OR2Z1: variants seen among roughly 807,000 people sequenced by gnomAD.
OR2Z1 encodes olfactory receptor family 2 subfamily Z member 1, also known as olfactory receptor 2Z1.
For synonymous variants in OR2Z1, 188 were observed against 160.6 expected (o/e 1.17, Z -1.29); for missense variants, 449 against 401.8 (o/e 1.12, Z -1.00).
At position 8,730,907 on chromosome 19, in the gene OR2Z1, C is replaced by T; in HGVS notation, c.-122C>T. 1.4e-6 allele frequency: 1 copy of T among 717,174 alleles called. No individual in the cohort carries two copies. Among genetic ancestry groups the T allele is most frequent in the South Asian group, 1.8e-5 (1 of 54,658 alleles). 44.4% of individuals were successfully genotyped at this position (717,174 alleles called of 1,614,324 possible). A position where few individuals can be genotyped will look rare whatever the true frequency, so the allele number is the denominator to read the frequency against. ...TCATTACTCTTCTCAAGACACCATC[C>T]CAGGAAGCCACTACCAATCAATGAT... On this transcript the variant is annotated 5_prime_UTR_variant, in exon 3 of 3. Transcript: ENST00000641125.
intron 2 of OR2Z1, among the ~76,000 whole-genome samples, chr19:8,728,239 G>A (rs2043335837): frequency 6.6e-6 from 1 of 152,236 alleles, no homozygotes; most frequent in Admixed American, 6.5e-5. Flanking sequence ...CTGGGAGCTT[G>A]GAGGTTGCCG....
intron 2 of OR2Z1, among the ~76,000 whole-genome samples, chr19:8,728,005 G>A (rs547541112): frequency 1.3e-5 from 2 of 152,330 alleles, no homozygotes; most frequent in South Asian, 4.1e-4. Flanking sequence ...TAATAAAACA[G>A]CCCTGGTCAT....
chr19:8,728,542 C>A (rs1032268325), intron 2 of OR2Z1, among the ~76,000 whole-genome samples: 1 of 152,094 alleles, frequency 6.6e-6, no homozygotes, highest in African/African-American at 2.4e-5. Flanking sequence ...GATTTATACC[C>A]TAAATGTTTT....
Position 8,731,610 on chromosome 19 carries a change from C to G in OR2Z1, c.582C>G (p.Ala194=). ...LLKLSCADTC[A]YEMALSTSGV... is the part of the protein sequence containing the mutation. Reference sequence around the variant, plus strand: ...AGCTCTCCTGTGCAGATACCTGTGCCTACGAGATGGCGCTGTCCACCTCAG... The same window carrying G: ...AGCTCTCCTGTGCAGATACCTGTGCGTACGAGATGGCGCTGTCCACCTCAG... Residue 194 remains alanine (A), a synonymous_variant, in exon 3 of 3, where the codon GCC becomes GCG. Coordinates refer to ENST00000641125, the MANE Select transcript of OR2Z1 (RefSeq NM_001004699.3). The G allele has an allele frequency of 6.2e-7, 1 of 1,613,984 alleles. No individual in the cohort carries two copies. The highest frequency in any genetic ancestry group is 8.5e-7 in the Non-Finnish European group (1 of 1,180,018).
At chr19:8,726,862 C>G (rs1221494794) in intron 2 of OR2Z1, among the ~76,000 whole-genome samples, 1 of 152,178 alleles carries the variant, frequency 6.6e-6, no homozygotes, top group Non-Finnish European at 1.5e-5. Flanking sequence ...GTAGAATCTA[C>G]TTGCTCTTAA....
chr19:8,728,631 A>C, intron 2 of OR2Z1: 1 of 444,140 alleles, frequency 2.3e-6, no homozygotes, highest in South Asian at 1.8e-5. Context: ...TTTGGGTTTC[A>C]ATTGAAACTG....
At position 8,721,932 on chromosome 19, in the gene OR2Z1, T is replaced by G. The variant is rs1310440891; in HGVS notation, c.-325T>G. 6.6e-6 allele frequency: 1 copy of G among 152,206 alleles called. No individual in the cohort carries two copies. Among genetic ancestry groups the G allele is most frequent in the Non-Finnish European group, 1.5e-5 (1 of 68,040 alleles). The allele number at this position is 152,206 out of a possible 1,614,324, so 9.4% of individuals were successfully genotyped here. On this transcript the variant is annotated 5_prime_UTR_variant, in exon 1 of 3. An upstream open reading frame in the 5' UTR loses its in-frame stop. Coordinates refer to ENST00000641125, the MANE Select transcript of OR2Z1 (RefSeq NM_001004699.3). ...GCTCAGAATTCCAGGGAAGATGAGT[T>G]GAGTGTTAAGTCCAAGAAAGAGACA...
intron 2 of OR2Z1, among the ~76,000 whole-genome samples, chr19:8,726,972 CAG>C (rs1483514909): frequency 6.6e-6 from 1 of 151,976 alleles, no homozygotes; most frequent in Non-Finnish European, 1.5e-5. Context: ...CCTTTTGAAA[CAG>C]GGTCTCGCTC....
chr19:8,730,982 C>G lies in OR2Z1; in HGVS notation c.-47C>G. 1 of 1,506,178 alleles carries G rather than the reference C, an allele frequency of 6.6e-7. No individual in the cohort carries two copies. Among genetic ancestry groups the G allele is most frequent in the Non-Finnish European group, 9.2e-7 (1 of 1,091,474 alleles). The allele number at this position is 1,506,178 out of a possible 1,614,324, so 93.3% of individuals were successfully genotyped here. ...TTTGCCACCCCATGCAGGCTTCTTG[C>G]CATAGTTCAGCTGTTCTTCCTGCAG... On this transcript the variant is annotated 5_prime_UTR_variant, in exon 3 of 3. Coordinates refer to ENST00000641125, the MANE Select transcript of OR2Z1 (RefSeq NM_001004699.3).
At position 8,730,856 on chromosome 19, in the gene OR2Z1, C is replaced by G; in HGVS notation, c.-169-4C>G. The G allele has an allele frequency of 3.3e-6, 2 of 612,238 alleles. No homozygotes were observed. Among genetic ancestry groups the G allele is most frequent in the Non-Finnish European group, 5.8e-6 (2 of 346,554 alleles). The allele number at this position is 612,238 out of a possible 1,614,324, so 37.9% of individuals were successfully genotyped here. ...CACTAACTGATTAAGTTTTCTCCCT[C>G]CAGCCTACTGATTCTAGCTGCAGCC... On this transcript the variant is annotated splice_region_variant and splice_polypyrimidine_tract_variant and intron_variant, in intron 2 of 2. Transcript: ENST00000641125.
Position 8,731,562 on chromosome 19 carries a change from C to T in OR2Z1, c.534C>T (p.Phe178=). Residue 178 remains phenylalanine (F), a synonymous_variant, in exon 3 of 3, where the codon TTC becomes TTT. Transcript: ENST00000641125. ...YCASRIVDHF[F]CEVPALLKLS... is the part of the protein sequence containing the mutation. ...CCTCCCGTATTGTGGATCACTTCTT[C>T]TGTGAGGTGCCAGCCCTACTGAAGC... The T allele has an allele frequency of 1.9e-6, 3 of 1,614,118 alleles. No homozygotes were observed. Among genetic ancestry groups the T allele is most frequent in the South Asian group, 1.1e-5 (1 of 91,080 alleles).
intron 2 of OR2Z1, among the ~76,000 whole-genome samples, chr19:8,725,402 C>T (rs1555756054): frequency 6.6e-6 from 1 of 152,144 alleles, no homozygotes; most frequent in African/African-American, 2.4e-5. Flanking sequence ...GCCACCACAC[C>T]TGGCTAATTT....
chr19:8,731,546 T>C lies in OR2Z1; in HGVS notation c.518T>C (p.Ile173Thr). 1.9e-6 allele frequency: 3 copies of C among 1,614,092 alleles called. No homozygotes were observed. Among genetic ancestry groups the C allele is most frequent in the Non-Finnish European group, 2.5e-6 (3 of 1,180,018 alleles). The change falls in exon 3 of 3, where the codon ATT (isoleucine) becomes ACT (threonine). Residue 173 changes from isoleucine (I) to threonine (T), a missense_variant. Coordinates refer to ENST00000641125, the MANE Select transcript of OR2Z1 (RefSeq NM_001004699.3). ...CATTTTCCCTACTGTGCCTCCCGTA[T>C]TGTGGATCACTTCTTCTGTGAGGTG... is the stretch of plus-strand genomic sequence containing the variant. ...TLHFPYCASRIVDHFFCEVPA... is the reference protein window; with the variant it reads ...TLHFPYCASRTVDHFFCEVPA...
At chr19:8,727,118 T>G (rs2043330692) in intron 2 of OR2Z1, among the ~76,000 whole-genome samples, 1 of 152,036 alleles carries the variant, frequency 6.6e-6, no homozygotes, top group African/African-American at 2.4e-5. Flanking sequence ...ACTTTTGTAA[T>G]TTTTTTGTAG....
At chr19:8,727,331 C>A (rs1431125190) in intron 2 of OR2Z1, among the ~76,000 whole-genome samples, 1 of 152,158 alleles carries the variant, frequency 6.6e-6, no homozygotes, top group Non-Finnish European at 1.5e-5. Flanking sequence ...AGCCCCTGGT[C>A]ACCTCTGTTG....
intron 2 of OR2Z1, among the ~76,000 whole-genome samples, chr19:8,727,563 T>TAA (rs1239688950): frequency 6.7e-6 from 1 of 150,066 alleles, no homozygotes; most frequent in Non-Finnish European, 1.5e-5. Context: ...ATAATAATAA[T>TAA]AAAAAAAAAC....
chr19:8,726,295 G>T (rs1330925728), intron 2 of OR2Z1, among the ~76,000 whole-genome samples: 1 of 152,074 alleles, frequency 6.6e-6, no homozygotes, highest in Non-Finnish European at 1.5e-5. Context: ...ACCAGATCTC[G>T]CAAGAACTCA....
In OR2Z1 at chr19:8,731,591, C is replaced by T. The variant is rs201334333; in HGVS notation, c.563C>T (p.Ser188Phe). The part of the protein sequence containing the change: ...FCEVPALLKL[S>F]CADTCAYEMA... The stretch of plus-strand genomic sequence containing the variant: ...GAGGTGCCAGCCCTACTGAAGCTCT[C>T]CTGTGCAGATACCTGTGCCTACGAG... Residue 188 changes from serine to phenylalanine, a missense_variant, in exon 3 of 3, where the codon TCC becomes TTC. Transcript: ENST00000641125. 3.7e-6 allele frequency: 6 copies of T among 1,613,244 alleles called. No homozygotes were observed. In the East Asian group the frequency reaches 1.1e-4, roughly 30 times the overall value.
chr19:8,726,693 A>G (rs1555756211), intron 2 of OR2Z1, among the ~76,000 whole-genome samples: 1 of 152,182 alleles, frequency 6.6e-6, no homozygotes, highest in East Asian at 1.9e-4. Context: ...AGGGCATGAC[A>G]CATTTTGTTG....
Sources: gnomAD v4.1 joint callset for allele counts (sites outside exome capture counted in the v4.1 genomes callset) on GRCh38, gnomAD v4.1.1 for gene constraint, MANE v1.5 for transcripts, NCBI Gene and HGNC (gene_info 2026-07-23, HGNC 2026-07-21) for gene names.